The following WHRN variants were observed in gnomAD, a reference collection of about 807,000 sequenced individuals.
WHRN encodes whirlin, also known as CASK-interacting protein CIP98.
In WHRN, 41 loss-of-function variants were observed where a neutral mutation model predicts 68.3. The observed-to-expected ratio is 0.60, with a 90% confidence interval of 0.47 to 0.78. WHRN has a LOEUF of 0.78. Among genes scored for constraint, WHRN ranks in the 30% least tolerant of loss-of-function variants. The probability of loss-of-function intolerance (pLI) is 0.00; values close to 1 mark genes in which losing one functional copy is unlikely to be tolerated. For missense variants in WHRN, 1,243 were observed against 1,244.7 expected (o/e 1.00, Z 0.02); for synonymous variants, 560 against 561.3 (o/e 1.00, Z 0.03).
In WHRN at chr9:114,402,642, T is replaced by G; in HGVS notation, c.*112A>C. On this transcript the variant is annotated 3_prime_UTR_variant, in exon 12 of 12. Transcript: ENST00000362057. Reference sequence around the variant, plus strand: ...CTGGGATGGAGGGGGGATGTCTTCCTGCCACCCTGGCCATGCAGCCCCAAC... The same window carrying G: ...CTGGGATGGAGGGGGGATGTCTTCCGGCCACCCTGGCCATGCAGCCCCAAC... The G allele has an allele frequency of 1.5e-6, 2 of 1,374,394 alleles. No individual in the cohort carries two copies. Among genetic ancestry groups the G allele is most frequent in the South Asian group, 2.3e-5 (2 of 85,658 alleles). The allele number at this position is 1,374,394 out of a possible 1,614,324, so 85.1% of individuals were successfully genotyped here.
At chr9:114,424,589 C>G (rs1407023408) in intron 5 of WHRN, 43 bp from the exon 6 acceptor site, 1 of 1,562,980 alleles carries the variant, frequency 6.4e-7, no homozygotes, top group Admixed American at 1.9e-5. Flanking sequence ...CTTAGCTGCT[C>G]TAGAGCTGAG....
At chr9:114,497,517 A>T (rs76404492) in intron 1 of WHRN, among the ~76,000 whole-genome samples, 3,137 of 58,730 alleles carry the variant, frequency 0.053, 100 homozygotes, top group African/African-American at 0.087. Context: ...TTTTGTTTTT[A>T]AAAAAAAAAA....
chr9:114,425,774 A>G (rs1373762436), intron 4 of WHRN: 2 of 265,544 alleles, frequency 7.5e-6, no homozygotes, highest in East Asian at 1.8e-4. Flanking sequence ...ACTGGATCTC[A>G]GTTTATGACT....
At chr9:114,495,373 A>G (rs111919206) in intron 1 of WHRN, among the ~76,000 whole-genome samples, 3,057 of 152,266 alleles carry the variant, frequency 0.02, 111 homozygotes, top group African/African-American at 0.07. Context: ...TGCTGGTGGC[A>G]ATGGTGGTGA....
At chr9:114,427,190 C>T (rs10982214) in intron 3 of WHRN, among the ~76,000 whole-genome samples, 2 of 152,122 alleles carry the variant, frequency 1.3e-5, no homozygotes, top group African/African-American at 2.4e-5. Context: ...CCCAAGAGTT[C>T]GAGGCTGCTG....
chr9:114,435,896 C>T (rs1160372686), intron 3 of WHRN, among the ~76,000 whole-genome samples: 1 of 74,012 alleles, frequency 1.4e-5, no homozygotes, highest in Admixed American at 1.8e-4. Context: ...TTCTAAAACA[C>T]TCTAAAACAC....
chr9:114,448,510 A>C (rs906575179), intron 3 of WHRN, among the ~76,000 whole-genome samples: 3 of 152,112 alleles, frequency 2.0e-5, no homozygotes, highest in Admixed American at 1.3e-4. Context: ...TCCCCCTTGA[A>C]ACTGCCTGGA....
At chr9:114,408,388 G>C (rs530513910) in intron 7 of WHRN, among the ~76,000 whole-genome samples, 35 of 152,334 alleles carry the variant, frequency 2.3e-4, no homozygotes, top group African/African-American at 7.7e-4. Flanking sequence ...ATGAATCCCA[G>C]GAAGGTGTGA....
At chr9:114,469,341 G>T (rs1194039087) in intron 2 of WHRN, among the ~76,000 whole-genome samples, 1 of 152,216 alleles carries the variant, frequency 6.6e-6, no homozygotes, top group African/African-American at 2.4e-5. Flanking sequence ...GCTAGGCCTT[G>T]TGCTGGGTCA....
chr9:114,497,703 C>T (rs1843582297), intron 1 of WHRN, among the ~76,000 whole-genome samples: 1 of 152,170 alleles, frequency 6.6e-6, no homozygotes, highest in South Asian at 2.1e-4. Context: ...AGCAAAGTGA[C>T]AAATGAACTA....
chr9:114,480,401 A>ATC (rs1589233505), intron 1 of WHRN, among the ~76,000 whole-genome samples: 1 of 152,164 alleles, frequency 6.6e-6, no homozygotes, highest in Non-Finnish European at 1.5e-5. Context: ...TACTTTGGAG[A>ATC]TGAGGCCTTT....
At position 114,487,190 on chromosome 9, in the gene WHRN, T is replaced by A. The variant is rs1450635671; in HGVS notation, c.619-8419A>T. Among the ~76,000 whole-genome samples the A allele has an allele frequency of 3.3e-3, 318 of 95,076 alleles. 1 individual carries two copies. The highest frequency in any genetic ancestry group is 4.7e-3 in the Non-Finnish European group (244 of 51,950). The allele number at this position is 95,076 out of a possible 152,430, so 62.4% of individuals were successfully genotyped here. A position where few individuals can be genotyped will look rare whatever the true frequency, so the allele number is the denominator to read the frequency against. Reference sequence around the variant, plus strand: ...TAGGTAAGAGATACCAAAAAAAAATTTTTTTTTTTTTTTTGTCTAACAAGA... The same window carrying A: ...TAGGTAAGAGATACCAAAAAAAAATATTTTTTTTTTTTTTGTCTAACAAGA... On this transcript the variant is annotated intron_variant, in intron 1 of 11. Coordinates refer to ENST00000362057, the MANE Select transcript of WHRN (RefSeq NM_015404.4).
chr9:114,412,123 C>T (rs977938255), intron 7 of WHRN, among the ~76,000 whole-genome samples: 10 of 152,178 alleles, frequency 6.6e-5, no homozygotes, highest in Non-Finnish European at 1.5e-4. Flanking sequence ...GCAGACGGGT[C>T]GGAGCCCAGC....
At chr9:114,503,690 G>A in intron 1 of WHRN, 1 of 160,318 alleles carries the variant, frequency 6.2e-6, no homozygotes, top group Non-Finnish European at 1.4e-5. Flanking sequence ...CTTGCTTCAG[G>A]ATACACAACC....
intron 3 of WHRN, among the ~76,000 whole-genome samples, chr9:114,437,091 G>A (rs1474293507): frequency 3.3e-5 from 5 of 152,280 alleles, no homozygotes; most frequent in Non-Finnish European, 5.9e-5. Flanking sequence ...CAGACAGGCG[G>A]TGAAACAGAC....
intron 8 of WHRN, among the ~76,000 whole-genome samples, chr9:114,407,607 C>A (rs1036310620): frequency 4.6e-5 from 7 of 152,208 alleles, no homozygotes; most frequent in Admixed American, 4.6e-4. Context: ...TTACTCCATG[C>A]CACGAACTTA....
chr9:114,455,962 T>C (rs1194861778), intron 3 of WHRN, among the ~76,000 whole-genome samples: 3 of 152,100 alleles, frequency 2.0e-5, no homozygotes, highest in South Asian at 2.1e-4. Flanking sequence ...GCCTGTTTCA[T>C]AGTGAAGTAT....
At chr9:114,490,091 T>C (rs920179461) in intron 1 of WHRN, among the ~76,000 whole-genome samples, 7 of 152,238 alleles carry the variant, frequency 4.6e-5, no homozygotes, top group African/African-American at 7.2e-5. Context: ...GACACAGCCA[T>C]GCCACGACAC....
chr9:114,500,265 T>C (rs1843809337), intron 1 of WHRN, among the ~76,000 whole-genome samples: 1 of 152,188 alleles, frequency 6.6e-6, no homozygotes, highest in Non-Finnish European at 1.5e-5. Flanking sequence ...GGTCTGTGCA[T>C]GCCATGGTGC....
Sources: allele counts gnomAD v4.1 joint callset (sites outside exome capture counted in the v4.1 genomes callset), GRCh38; gene constraint gnomAD v4.1.1; transcripts MANE v1.5; gene names NCBI Gene and HGNC (gene_info 2026-07-23, HGNC 2026-07-21).